The following ABCC4 variants were observed in gnomAD, a reference collection of about 807,000 sequenced individuals.
ABCC4 encodes the protein ATP-binding cassette sub-family C member 4.
ABCC4 carries 102 observed loss-of-function variants against 168.5 expected under a neutral mutation model. The ratio of observed to expected loss-of-function variants is 0.61; its 90% CI spans 0.52 to 0.71. ABCC4 has a LOEUF of 0.71. ABCC4 is among the 30% of genes least tolerant of loss of function. The pLI, the probability that ABCC4 is intolerant of heterozygous loss-of-function variation, is 0.00. For missense variants in ABCC4, 1,402 were observed against 1,605.8 expected, an observed-to-expected ratio of 0.87 and a Z score of 2.17; for synonymous variants, 617 against 590.7, an observed-to-expected ratio of 1.04 and a Z score of -0.65.
chr13:95,210,209 T>C (rs1322499530), intron 5 of ABCC4, among the ~76,000 whole-genome samples: 1 of 152,196 alleles, frequency 6.6e-6, no homozygotes, highest in African/African-American at 2.4e-5. Flanking sequence ...GCGGGTATGG[T>C]GTTCACACCT....
intron 20 of ABCC4, among the ~76,000 whole-genome samples, chr13:95,099,102 G>A (rs1043140118): frequency 2.6e-5 from 4 of 152,036 alleles, no homozygotes; most frequent in African/African-American, 9.7e-5. Flanking sequence ...CTAAAAACTG[G>A]CAACAATTCA....
In ABCC4 at chr13:95,170,849, T is replaced by C. The variant is rs560557035; in HGVS notation, c.1728-221A>G. On this transcript the variant is annotated intron_variant, in intron 13 of 30. Coordinates refer to ENST00000645237, the MANE Select transcript of ABCC4 (RefSeq NM_005845.5). ...TGTGGTGAAATCCTCAAAAGTTTTCTGGGAAGGAGGCAATAAGTGTAATTT... is the reference window on the plus strand; with the variant it reads ...TGTGGTGAAATCCTCAAAAGTTTTCCGGGAAGGAGGCAATAAGTGTAATTT... Among the ~76,000 whole-genome samples, 436 of 152,228 alleles carry C rather than the reference T, an allele frequency of 2.9e-3. 3 individuals carry two copies. The highest frequency in any genetic ancestry group is 5.0e-3 in the Non-Finnish European group (343 of 68,004).
At chr13:95,283,589 G>A (rs935401742) in intron 1 of ABCC4, among the ~76,000 whole-genome samples, 1 of 151,964 alleles carries the variant, frequency 6.6e-6, no homozygotes, top group African/African-American at 2.4e-5. Flanking sequence ...TTTTTCTGAA[G>A]AGCATCTCAT....
At chr13:95,254,041 G>A (rs1247767460) in intron 1 of ABCC4, among the ~76,000 whole-genome samples, 6 of 151,978 alleles carry the variant, frequency 3.9e-5, no homozygotes, top group South Asian at 2.1e-4. Context: ...AACAAGGCAC[G>A]TGCTACCATG....
chr13:95,177,213 T>G (rs925538968), intron 13 of ABCC4, among the ~76,000 whole-genome samples: 21 of 152,308 alleles, frequency 1.4e-4, no homozygotes, highest in East Asian at 1.9e-4. Flanking sequence ...CAGATTAGTA[T>G]GTAAAGAGCA....
chr13:95,196,838 C>A (rs1213843376), intron 8 of ABCC4, among the ~76,000 whole-genome samples: 2 of 152,142 alleles, frequency 1.3e-5, no homozygotes, highest in Non-Finnish European at 2.9e-5. Flanking sequence ...TTTCACTGGT[C>A]CCTTCTCCAG....
chr13:95,144,083 A>G (rs2036407641), intron 19 of ABCC4, among the ~76,000 whole-genome samples: 1 of 152,152 alleles, frequency 6.6e-6, no homozygotes, highest in African/African-American at 2.4e-5. Context: ...AGATAAACGC[A>G]TCCATTAGAT....
chr13:95,082,344 T>G (rs549614846), intron 21 of ABCC4, among the ~76,000 whole-genome samples: 2 of 152,352 alleles, frequency 1.3e-5, no homozygotes, highest in South Asian at 4.1e-4. Context: ...ATTTCATCTC[T>G]GCGATTACAT....
In ABCC4 at chr13:95,241,234, G is replaced by A. The variant is rs535476893; in HGVS notation, c.306+5741C>T. Among the ~76,000 whole-genome samples the A allele has an allele frequency of 2.7e-4, 40 of 150,906 alleles. 1 individual carries two copies. The South Asian group carries it at 5.3e-3, about 20-fold the overall frequency. Reference sequence around the variant, plus strand: ...AAAAAAATTAGCTGGGTGTGGTGGCGCACACCTGTAGTCCCAGCTACTCAG... The same window carrying A: ...AAAAAAATTAGCTGGGTGTGGTGGCACACACCTGTAGTCCCAGCTACTCAG... On this transcript the variant is annotated intron_variant, in intron 3 of 30. Coordinates refer to ENST00000645237, the MANE Select transcript of ABCC4 (RefSeq NM_005845.5).
chr13:95,163,191 C>T lies in ABCC4; in HGVS notation c.2239G>A (p.Val747Ile). Residue 747 changes from valine to isoleucine, a missense_variant, in exon 18 of 31, where the codon GTC becomes ATC. Physicochemically the swap from Val to Ile is conservative, Grantham distance 29 (BLOSUM62 3). Coordinates refer to ENST00000645237, the MANE Select transcript of ABCC4 (RefSeq NM_005845.5). Reference protein sequence around the residue: ...YWANKQSMLNVTVNGGGNVTE... With the variant: ...YWANKQSMLNITVNGGGNVTE... Reference sequence around the variant, plus strand: ...ACATTTCCTCCTCCATTTACAGTGACATTTAGCATACTTTGTTTGTTTGCC... The same window carrying T: ...ACATTTCCTCCTCCATTTACAGTGATATTTAGCATACTTTGTTTGTTTGCC... 3 of 1,612,918 alleles carry T rather than the reference C, an allele frequency of 1.9e-6. No homozygotes were observed. Among genetic ancestry groups the T allele is most frequent in the Non-Finnish European group, 2.5e-6 (3 of 1,179,264 alleles).
chr13:95,238,742 G>A (rs1594357778), intron 3 of ABCC4, among the ~76,000 whole-genome samples: 1 of 152,148 alleles, frequency 6.6e-6, no homozygotes, highest in Non-Finnish European at 1.5e-5. Context: ...TTTTTTAGTA[G>A]AGACAGGATT....
intron 4 of ABCC4, among the ~76,000 whole-genome samples, chr13:95,218,989 G>GAAAAA (rs1275043272): frequency 0.032 from 2,039 of 63,738 alleles, 187 homozygotes; most frequent in African/African-American, 0.076. Context: ...AAGAAAGAGT[G>GAAAAA]AGAAAGAAAG....
In ABCC4 at chr13:95,047,518, C is replaced by T. The variant is rs530813154; in HGVS notation, c.3457-3080G>A. ...TTTTTGAGGTGGATTCTTGCTCTGT[C>T]ACCCAGGTTGGAGTGCAGTGGTGCG... On this transcript the variant is annotated intron_variant, in intron 27 of 30. Transcript: ENST00000645237. Among the ~76,000 whole-genome samples the T allele has an allele frequency of 1.7e-4, 17 of 101,236 alleles. No individual in the cohort carries two copies. The South Asian group carries it at 5.1e-3, about 31-fold the overall frequency. 66.4% of individuals were successfully genotyped at this position (101,236 alleles called of 152,430 possible).
At chr13:95,247,214 T>A in intron 2 of ABCC4, 119 bp from the exon 3 acceptor site, 1 of 1,096,712 alleles carries the variant, frequency 9.1e-7, no homozygotes, top group Non-Finnish European at 1.3e-6. Context: ...ATTTCATAAA[T>A]GCTACTAATT....
chr13:95,110,987 A>G (rs1384521412), intron 20 of ABCC4, among the ~76,000 whole-genome samples: 1 of 24,182 alleles, frequency 4.1e-5, no homozygotes, highest in East Asian at 8.3e-4. Flanking sequence ...AAAAGAAAGA[A>G]AAAAAAAAAA....
At position 95,283,616 on chromosome 13, in the gene ABCC4, A is replaced by C. The variant is rs143444340; in HGVS notation, c.74+17625T>G. ...GCATCTCATGCTGAGTGGCAGCAGA[A>C]TGCAGAGATTAAGAGAGGGGGCCAG... On this transcript the variant is annotated intron_variant, in intron 1 of 30. Transcript: ENST00000645237. Among the ~76,000 whole-genome samples, 920 of 152,210 alleles carry C rather than the reference A, an allele frequency of 6.0e-3. 10 individuals carry two copies. The highest frequency in any genetic ancestry group is 0.021 in the African/African-American group (874 of 41,546).
intron 4 of ABCC4, among the ~76,000 whole-genome samples, chr13:95,219,697 G>A (rs7321623): frequency 0.74 from 112,988 of 151,898 alleles, 42,876 homozygotes; most frequent in Non-Finnish European, 0.84. Context: ...AGGGAGGGCC[G>A]AGGCAGAGAC....
chr13:95,061,012 T>C (rs898449561), intron 26 of ABCC4, among the ~76,000 whole-genome samples: 1 of 152,234 alleles, frequency 6.6e-6, no homozygotes, highest in Non-Finnish European at 1.5e-5. Context: ...TGTCCTTTTG[T>C]GACTGGCTTA....
intron 27 of ABCC4, among the ~76,000 whole-genome samples, chr13:95,049,030 A>T (rs1040977258): frequency 6.6e-6 from 1 of 152,200 alleles, no homozygotes; most frequent in Non-Finnish European, 1.5e-5. Flanking sequence ...TTTCAGCATT[A>T]GAAAAGAAAC....
Sources: allele counts gnomAD v4.1 joint callset (sites outside exome capture counted in the v4.1 genomes callset), GRCh38; gene constraint gnomAD v4.1.1; transcripts MANE v1.5; gene names NCBI Gene and HGNC (gene_info 2026-07-23, HGNC 2026-07-21).